Variants in DNAJC13 observed in about 807,000 individuals in gnomAD.
DNAJC13 encodes DnaJ heat shock protein family (Hsp40) member C13, also known as dnaJ homolog subfamily C member 13.
DNAJC13 carries 75 observed loss-of-function variants against 290.5 expected under a neutral mutation model. The observed-to-expected ratio is 0.26, with a 90% confidence interval of 0.21 to 0.31. The LOEUF is 0.31. DNAJC13 is among the 10% of genes least tolerant of loss of function. The pLI is 1.00. For missense variants in DNAJC13, 2,260 were observed against 2,674.5 expected (o/e 0.85, Z 3.42); for synonymous variants, 862 against 892.0 (o/e 0.97, Z 0.60).
chr3:132,496,517 G>T lies in DNAJC13; in HGVS notation c.4021-11G>T. The T allele has an allele frequency of 6.3e-7, 1 of 1,576,984 alleles. No individual in the cohort carries two copies. Among genetic ancestry groups the T allele is most frequent in the Non-Finnish European group, 8.6e-7 (1 of 1,163,424 alleles). On this transcript the variant is annotated splice_polypyrimidine_tract_variant and intron_variant, in intron 35 of 55. Transcript: ENST00000260818. ...CCAAATTAACGTTAAATTATCTTCTGTTACATACAGGACATGTTTGAAAAA... is the reference window on the plus strand; with the variant it reads ...CCAAATTAACGTTAAATTATCTTCTTTTACATACAGGACATGTTTGAAAAA...
At chr3:132,482,382 T>C (rs1934707669) in intron 27 of DNAJC13, 52 bp downstream of exon 27, 2 of 1,424,144 alleles carry the variant, frequency 1.4e-6, no homozygotes, top group South Asian at 2.4e-5. Context: ...TCTTATGCCC[T>C]CCTGCTTAGC....
chr3:132,434,488 AT>A (rs1367860951), intron 1 of DNAJC13, 49 bp from the exon 2 acceptor site: 15 of 1,340,976 alleles, frequency 1.1e-5, no homozygotes, highest in African/African-American at 1.7e-5. Context: ...TCTTGGAAAG[AT>A]TAAAGATATA....
chr3:132,426,390 A>G (rs552663790), intron 1 of DNAJC13, among the ~76,000 whole-genome samples: 1 of 152,222 alleles, frequency 6.6e-6, no homozygotes, highest in East Asian at 1.9e-4. Context: ...ATGGAACACA[A>G]TTGCAGGAAT....
chr3:132,506,608 G>A (rs1384738813), intron 42 of DNAJC13, among the ~76,000 whole-genome samples: 1 of 122,508 alleles, frequency 8.2e-6, no homozygotes, highest in Non-Finnish European at 1.6e-5. Context: ...CTGGAATGCA[G>A]TGGCATGATC....
intron 17 of DNAJC13, 104 bp from the exon 18 acceptor site, chr3:132,465,891 G>T (rs1576476150): frequency 1.5e-6 from 1 of 671,036 alleles, no homozygotes; most frequent in South Asian, 2.5e-5. Flanking sequence ...TTTTTTTACT[G>T]TAGCCGTATT....
chr3:132,531,277 CTGT>C (rs1312043449), intron 55 of DNAJC13, among the ~76,000 whole-genome samples, 180 bp downstream of exon 55: 4 of 152,138 alleles, frequency 2.6e-5, no homozygotes, highest in African/African-American at 4.8e-5. Context: ...AGCATGCAAA[CTGT>C]TGTTGTGTTG....
intron 40 of DNAJC13, among the ~76,000 whole-genome samples, 159 bp from the exon 41 acceptor site, chr3:132,503,055 T>C (rs1463668753): frequency 6.6e-6 from 1 of 152,240 alleles, no homozygotes; most frequent in Non-Finnish European, 1.5e-5. Flanking sequence ...ACACATAAAC[T>C]TTCTGATGTT....
intron 29 of DNAJC13, 74 bp from the exon 30 acceptor site, chr3:132,488,224 A>G (rs763965740): frequency 1.4e-4 from 188 of 1,368,702 alleles, no homozygotes; most frequent in Non-Finnish European, 1.8e-4. Flanking sequence ...TAACCTCAGC[A>G]TATGAAATAA....
intron 6 of DNAJC13, among the ~76,000 whole-genome samples, chr3:132,452,606 G>A (rs891181389): frequency 6.6e-6 from 1 of 151,702 alleles, no homozygotes; most frequent in Non-Finnish European, 1.5e-5. Flanking sequence ...TTCCAAAATC[G>A]GAAACTTTTT....
chr3:132,437,327 G>A (rs1939409332), intron 2 of DNAJC13, among the ~76,000 whole-genome samples: 1 of 152,050 alleles, frequency 6.6e-6, no homozygotes, highest in Non-Finnish European at 1.5e-5. Flanking sequence ...GTATTGTTTG[G>A]AGCACAAAGC....
chr3:132,454,900 A>G (rs1933544996), intron 9 of DNAJC13, among the ~76,000 whole-genome samples: 1 of 152,190 alleles, frequency 6.6e-6, no homozygotes, highest in South Asian at 2.1e-4. Flanking sequence ...TAGCCGTAGG[A>G]AGAAGGTCCT....
intron 2 of DNAJC13, among the ~76,000 whole-genome samples, chr3:132,435,063 T>A (rs779425073): frequency 1.9e-4 from 29 of 152,270 alleles, no homozygotes; most frequent in Non-Finnish European, 4.0e-4. Flanking sequence ...ATTTAAAAAT[T>A]GGGTTTAATA....
intron 51 of DNAJC13, 24 bp from the exon 52 acceptor site, chr3:132,525,586 T>C: frequency 6.2e-7 from 1 of 1,609,892 alleles, no homozygotes; most frequent in Non-Finnish European, 8.5e-7. Flanking sequence ...TTATAGTTGA[T>C]TTATTTTTGT....
chr3:132,516,365 C>G (rs1935919304), intron 46 of DNAJC13, 57 bp from the exon 47 acceptor site: 22 of 1,538,264 alleles, frequency 1.4e-5, no homozygotes, highest in Non-Finnish European at 1.9e-5. Context: ...GAGCTGGTGC[C>G]AAGTAAATAT....
chr3:132,418,534 A>G (rs962696878), intron 1 of DNAJC13, among the ~76,000 whole-genome samples: 4 of 152,168 alleles, frequency 2.6e-5, no homozygotes, highest in African/African-American at 9.7e-5. Flanking sequence ...GAGGGGGGAA[A>G]AAAGTAAAGA....
chr3:132,530,011 A>C (rs1484367705), intron 54 of DNAJC13, among the ~76,000 whole-genome samples: 4 of 152,104 alleles, frequency 2.6e-5, no homozygotes, highest in Non-Finnish European at 5.9e-5. Flanking sequence ...TAATGAAATT[A>C]GCAAAGTAAT....
At position 132,467,302 on chromosome 3, in the gene DNAJC13, G is replaced by T; in HGVS notation, c.2197G>T (p.Ala733Ser). 2 of 1,611,928 alleles carry T rather than the reference G, an allele frequency of 1.2e-6. No individual in the cohort carries two copies. The highest frequency in any genetic ancestry group is 8.5e-7 in the Non-Finnish European group (1 of 1,179,124). Residue 733 changes from alanine (A) to serine (S), a missense_variant, in exon 20 of 56, where the codon GCT becomes TCT. Physicochemically the swap from Ala to Ser is moderately conservative, Grantham distance 99. This residue lies in a region of DNAJC13 where 762 missense variants were observed against 964.1 expected (regional missense o/e 0.79). Coordinates refer to ENST00000260818, the MANE Select transcript of DNAJC13 (RefSeq NM_015268.4). ...GCACTGGAGGGATAGGATGGGCATT[G>T]CTCAAAAAGAGGTAAAAATAAAATT... ...LMHWRDRMGI[A>S]QKENINQKPV...
Position 132,538,718 on chromosome 3 carries a change from T to C in DNAJC13, c.*436T>C. 1 of 156,354 alleles carries C rather than the reference T, an allele frequency of 6.4e-6. No homozygotes were observed. Among genetic ancestry groups the C allele is most frequent in the Non-Finnish European group, 1.4e-5 (1 of 70,988 alleles). The allele number at this position is 156,354 out of a possible 1,614,324, so 9.7% of individuals were successfully genotyped here. A position where few individuals can be genotyped will look rare whatever the true frequency, so the allele number is the denominator to read the frequency against. ...CTGCATCAAGTCTGCGTGGCCATCC[T>C]CCCCCCACCATCCAAGACTATTAGG... is the stretch of plus-strand genomic sequence containing the variant. On this transcript the variant is annotated 3_prime_UTR_variant, in exon 56 of 56. Coordinates refer to ENST00000260818, the MANE Select transcript of DNAJC13 (RefSeq NM_015268.4).
intron 2 of DNAJC13, among the ~76,000 whole-genome samples, chr3:132,439,234 C>T (rs1932964450): frequency 6.6e-6 from 1 of 152,112 alleles, no homozygotes; most frequent in Admixed American, 6.5e-5. Flanking sequence ...AACAGAAGCT[C>T]ACTACATTCA....
Sources: allele counts gnomAD v4.1 joint callset (sites outside exome capture counted in the v4.1 genomes callset), GRCh38; gene constraint gnomAD v4.1.1; regional missense constraint gnomAD v4.1.1; transcripts MANE v1.5; gene names NCBI Gene and HGNC (gene_info 2026-07-23, HGNC 2026-07-21).